Variants in NRK observed in about 807,000 individuals in gnomAD.
NRK encodes nik-related protein kinase.
NRK carries 67 observed loss-of-function variants against 125.2 expected under a neutral mutation model. The observed-to-expected ratio is 0.54, with a 90% CI of 0.44 to 0.66. NRK has a LOEUF of 0.66. Ranked by LOEUF, NRK falls within the 30% of genes least tolerant of loss-of-function variation. The pLI, the probability that NRK is intolerant of heterozygous loss-of-function variation, is 0.00. For missense variants in NRK, 1,224 were observed against 1,192.9 expected, an observed-to-expected ratio of 1.03 and a Z score of -0.38; for synonymous variants, 458 against 429.0, an observed-to-expected ratio of 1.07 and a Z score of -0.84.
intron 19 of NRK, among the ~76,000 whole-genome samples, chrX:105,933,952 T>C (rs1480983122): frequency 3.6e-5 from 4 of 111,903 alleles, no homozygotes; most frequent in African/African-American, 1.3e-4. Flanking sequence ...TTCACAAAGA[T>C]ATCTAAATAT....
At chrX:105,857,991 T>C (rs959133031) in intron 2 of NRK, among the ~76,000 whole-genome samples, 1 of 111,126 alleles carries the variant, frequency 9.0e-6, no homozygotes. Context: ...CCCTACCTGA[T>C]TGACCAAGCT....
At chrX:105,942,301 A>G (rs2040753713) in intron 23 of NRK, among the ~76,000 whole-genome samples, 1 of 111,885 alleles carries the variant, frequency 8.9e-6, no homozygotes, top group South Asian at 3.7e-4. Flanking sequence ...CTTGGATAGT[A>G]TCGTTACACT....
At chrX:105,860,736 G>A (rs1318647943) in intron 2 of NRK, among the ~76,000 whole-genome samples, 1 of 110,190 alleles carries the variant, frequency 9.1e-6, no homozygotes, top group Non-Finnish European at 1.9e-5. Flanking sequence ...GGCAAAAACT[G>A]CAATTACTTT....
chrX:105,907,331 A>C (rs747237377), intron 11 of NRK: 1 of 111,637 alleles, frequency 9.0e-6, no homozygotes, highest in Non-Finnish European at 1.9e-5. Flanking sequence ...ATTATATTAC[A>C]TATTCCACAT....
At chrX:105,883,282 A>G (rs1483879383) in intron 4 of NRK, among the ~76,000 whole-genome samples, 2 of 112,355 alleles carry the variant, frequency 1.8e-5, no homozygotes, top group African/African-American at 3.2e-5. Context: ...TGGGCAACCC[A>G]CTCTTAAAAG....
In NRK at chrX:105,909,852, G is replaced by T; in HGVS notation, c.2211G>T (p.Gln737His). 1 of 1,146,477 alleles carries T rather than the reference G, an allele frequency of 8.7e-7. No homozygotes were observed. The highest frequency in any genetic ancestry group is 1.2e-6 in the Non-Finnish European group (1 of 859,788). The allele number at this position is 1,146,477 out of a possible 1,213,427, so 94.5% of individuals were successfully genotyped here. A position where few individuals can be genotyped will look rare whatever the true frequency, so the allele number is the denominator to read the frequency against. ...RQRRWEDIFN[Q>H]HEEELRQVDK... is the part of the protein sequence containing the mutation. ...GCAGATGGGAAGATATCTTTAATCA[G>T]CATGAGGAAGAATTGAGACAAGTTG... is the stretch of plus-strand genomic sequence containing the variant. Residue 737 changes from glutamine to histidine, a missense_variant, in exon 13 of 29, where the codon CAG becomes CAT. By Grantham distance (24) the Gln-to-His change is conservative. Coordinates refer to ENST00000243300, the MANE Select transcript of NRK (RefSeq NM_198465.4).
chrX:105,923,625 G>T, intron 18 of NRK, 143 bp downstream of exon 18: 1 of 417,197 alleles, frequency 2.4e-6, no homozygotes, highest in Non-Finnish European at 4.1e-6. Context: ...TGTCAATAAT[G>T]TATTTTAAAT....
chrX:105,871,372 T>C (rs912097180), intron 2 of NRK, among the ~76,000 whole-genome samples: 2 of 111,092 alleles, frequency 1.8e-5, no homozygotes, highest in Non-Finnish European at 3.8e-5. Flanking sequence ...CACAGTACTT[T>C]CACAGCCTTT....
intron 2 of NRK, among the ~76,000 whole-genome samples, chrX:105,853,703 G>A (rs2039500399): frequency 8.9e-6 from 1 of 111,975 alleles, no homozygotes; most frequent in South Asian, 3.7e-4. Flanking sequence ...TAAGTTCTTA[G>A]GATATATAGA....
Position 105,912,743 on chromosome X carries a change from TA to T in NRK, c.2344del (p.Ile782LeufsTer66). 5.7e-6 allele frequency: 6 copies of T among 1,056,964 alleles called. No individual in the cohort carries two copies. Among genetic ancestry groups the T allele is most frequent in the South Asian group, 2.2e-5 (1 of 45,327 alleles). 87.1% of individuals were successfully genotyped at this position (1,056,964 alleles called of 1,213,427 possible). A position where few individuals can be genotyped will look rare whatever the true frequency, so the allele number is the denominator to read the frequency against. The stretch of plus-strand genomic sequence containing the variant: ...CATTGAAGCCATACATTTCAAATCC[TA>T]AAAAAATTGAGGTAAATTTTTCAAT... The part of the protein sequence containing the change: ...EPLKPYISNP[K>X]KIEVQERSPS... On this transcript the variant is annotated frameshift_variant, in exon 14 of 29. Transcript: ENST00000243300. LOFTEE classifies it high-confidence loss of function.
At chrX:105,950,964 T>A (rs1392135595) in intron 27 of NRK, among the ~76,000 whole-genome samples, 1 of 110,176 alleles carries the variant, frequency 9.1e-6, no homozygotes, top group East Asian at 2.9e-4. Context: ...GAACATTTTT[T>A]ATATGGGATG....
chrX:105,876,952 A>C lies in NRK; in HGVS notation c.124-3247A>C, dbSNP rs761897603. On this transcript the variant is annotated intron_variant, in intron 2 of 28. Transcript: ENST00000243300. Reference sequence around the variant, plus strand: ...AATAGTGTTATACTTCTTCAAAACGAACATCAGTCACTTAATCAGTCACTT... The same window carrying C: ...AATAGTGTTATACTTCTTCAAAACGCACATCAGTCACTTAATCAGTCACTT... 6.3e-5 allele frequency among the ~76,000 whole-genome samples: 7 copies of C among 111,776 alleles called. No individual in the cohort carries two copies. In the East Asian group the frequency reaches 2.0e-3, roughly 32 times the overall value.
At chrX:105,867,287 T>C (rs2039685190) in intron 2 of NRK, among the ~76,000 whole-genome samples, 1 of 111,274 alleles carries the variant, frequency 9.0e-6, no homozygotes, top group African/African-American at 3.3e-5. Flanking sequence ...CGGTCAGATG[T>C]GGGTGAAGTA....
At position 105,914,726 on chromosome X, in the gene NRK, G is replaced by A. The variant is rs139926990; in HGVS notation, c.2350-1004G>A. ...CTACTTGTCTCTCGGAGTGTAGAGAGAGCCTTGATAAGCCACTTCATAAAG... is the reference window on the plus strand; with the variant it reads ...CTACTTGTCTCTCGGAGTGTAGAGAAAGCCTTGATAAGCCACTTCATAAAG... On this transcript the variant is annotated intron_variant, in intron 14 of 28. Coordinates refer to ENST00000243300, the MANE Select transcript of NRK (RefSeq NM_198465.4). 5.9e-3 allele frequency among the ~76,000 whole-genome samples: 638 copies of A among 108,220 alleles called. 5 individuals are homozygous for A. Among genetic ancestry groups the A allele is most frequent in the African/African-American group, 0.021 (624 of 29,799 alleles). 94.0% of individuals were successfully genotyped at this position (108,220 alleles called of 115,157 possible). A position where few individuals can be genotyped will look rare whatever the true frequency, so the allele number is the denominator to read the frequency against.
intron 14 of NRK, among the ~76,000 whole-genome samples, chrX:105,914,640 T>A (rs940389228): frequency 1.8e-5 from 2 of 108,965 alleles, no homozygotes; most frequent in Non-Finnish European, 3.8e-5. Flanking sequence ...CCCGACTGGG[T>A]CATATGATAC....
chrX:105,854,319 A>G (rs1923715930), intron 2 of NRK, among the ~76,000 whole-genome samples: 1 of 111,765 alleles, frequency 8.9e-6, no homozygotes, highest in Non-Finnish European at 1.9e-5. Flanking sequence ...TAATAAATAA[A>G]CCTTGTCAAT....
intron 17 of NRK, among the ~76,000 whole-genome samples, chrX:105,922,770 A>C (rs2040469133): frequency 9.0e-6 from 1 of 111,611 alleles, no homozygotes. Flanking sequence ...GTTAATCCCA[A>C]TGTCAGGGGA....
chrX:105,891,919 G>T (rs191547696), intron 5 of NRK, among the ~76,000 whole-genome samples: 41 of 111,130 alleles, frequency 3.7e-4, no homozygotes, highest in Non-Finnish European at 1.1e-4. Context: ...ATTTTTTTTG[G>T]CATATACCAT....
At chrX:105,928,579 G>C (rs971761448) in intron 19 of NRK, among the ~76,000 whole-genome samples, 1 of 110,661 alleles carries the variant, frequency 9.0e-6, no homozygotes, top group Non-Finnish European at 1.9e-5. Context: ...TGCATCATTA[G>C]ATTGTTATTC....
Sources: gnomAD v4.1 joint callset for allele counts (sites outside exome capture counted in the v4.1 genomes callset) on GRCh38, gnomAD v4.1.1 for gene constraint, MANE v1.5 for transcripts, NCBI Gene and HGNC (gene_info 2026-07-23, HGNC 2026-07-21) for gene names.